ATRNL1: variants seen among roughly 807,000 people sequenced by gnomAD.
ATRNL1 encodes the protein attractin like 1.
ATRNL1 carries 95 observed loss-of-function variants against 182.7 expected under a neutral mutation model. The ratio of observed to expected loss-of-function variants is 0.52; its 90% CI spans 0.44 to 0.62. The LOEUF (loss-of-function observed/expected upper bound fraction) is 0.62. ATRNL1 is among the 20% of genes least tolerant of loss of function. The probability of loss-of-function intolerance (pLI) is 0.00; values close to 1 mark genes in which losing one functional copy is unlikely to be tolerated. For missense variants in ATRNL1, 1,471 were observed against 1,679.5 expected (o/e 0.88, Z 2.17); for synonymous variants, 576 against 568.3 (o/e 1.01, Z -0.19).
At chr10:115,817,108 T>C (rs1555088832) in intron 27 of ATRNL1, among the ~76,000 whole-genome samples, 1 of 152,058 alleles carries the variant, frequency 6.6e-6, no homozygotes, top group African/African-American at 2.4e-5. Context: ...GGCCTCCATC[T>C]GCATGTTTAC....
rs1264880341 is a variant in ATRNL1, at chr10:115,587,218, C to A, written c.3795+37682C>A. ...ACTGCTGTCTTTTTGTTTGTCTGTGCCCTGCCCCCAGAGGTGGAGCCTACA... is the reference window on the plus strand; with the variant it reads ...ACTGCTGTCTTTTTGTTTGTCTGTGACCTGCCCCCAGAGGTGGAGCCTACA... On this transcript the variant is annotated intron_variant, in intron 26 of 28. Coordinates refer to ENST00000355044, the MANE Select transcript of ATRNL1 (RefSeq NM_207303.4). 2.0e-5 allele frequency among the ~76,000 whole-genome samples: 3 copies of A among 152,006 alleles called. No individual in the cohort carries two copies. In the East Asian group the frequency reaches 5.9e-4, roughly 30 times the overall value.
intron 3 of ATRNL1, among the ~76,000 whole-genome samples, chr10:115,126,773 A>G (rs1844993398): frequency 6.6e-6 from 1 of 152,180 alleles, no homozygotes; most frequent in African/African-American, 2.4e-5. Flanking sequence ...GAGTTATATA[A>G]TTTGTTTGTT....
chr10:115,886,597 T>C (rs1364242108), intron 28 of ATRNL1, among the ~76,000 whole-genome samples: 1 of 152,254 alleles, frequency 6.6e-6, no homozygotes, highest in Non-Finnish European at 1.5e-5. Context: ...TTTGTAAGTA[T>C]TGTATTTAAT....
chr10:115,525,275 A>G (rs1199137007), intron 25 of ATRNL1, among the ~76,000 whole-genome samples: 2 of 152,096 alleles, frequency 1.3e-5, no homozygotes, highest in African/African-American at 4.8e-5. Context: ...TAATCCCTAC[A>G]ACTCTTTGTG....
chr10:115,639,358 A>T (rs1371122430), intron 26 of ATRNL1, among the ~76,000 whole-genome samples: 5 of 152,234 alleles, frequency 3.3e-5, no homozygotes, highest in Admixed American at 2.6e-4. Flanking sequence ...AAAATCATTT[A>T]TCTGCTACAG....
chr10:115,200,239 A>T (rs1165284483), intron 8 of ATRNL1, among the ~76,000 whole-genome samples: 6 of 148,326 alleles, frequency 4.0e-5, no homozygotes, highest in Non-Finnish European at 7.5e-5. Flanking sequence ...TTTTTTTTTT[A>T]ATTATACTTT....
chr10:115,590,386 G>A lies in ATRNL1; in HGVS notation c.3795+40850G>A, dbSNP rs560285926. Among the ~76,000 whole-genome samples, 13 of 152,058 alleles carry A rather than the reference G, an allele frequency of 8.5e-5. No individual in the cohort carries two copies. The South Asian group carries it at 2.3e-3, about 27-fold the overall frequency. On this transcript the variant is annotated intron_variant, in intron 26 of 28. Coordinates refer to ENST00000355044, the MANE Select transcript of ATRNL1 (RefSeq NM_207303.4). ...GCTTTCTTTCTGTGTATTAACCTTT[G>A]GTTGTCTAATTATTGTTTCCTTTGG...
intron 19 of ATRNL1, among the ~76,000 whole-genome samples, chr10:115,381,373 TCTCCTGCCTCAGC>T (rs1258136624): frequency 1.3e-5 from 2 of 150,582 alleles, no homozygotes; most frequent in Non-Finnish European, 3.0e-5. Flanking sequence ...TTCAAGCAAT[TCTCCTGCCTCAGC>T]CTCCTGGGTA....
chr10:115,099,270 C>G (rs781911405), intron 1 of ATRNL1, among the ~76,000 whole-genome samples: 4 of 152,198 alleles, frequency 2.6e-5, no homozygotes, highest in Non-Finnish European at 5.9e-5. Context: ...GTAGTTTATT[C>G]TACTGCCGAA....
chr10:115,929,969 G>A (rs1555121209), intron 28 of ATRNL1, among the ~76,000 whole-genome samples: 1 of 152,068 alleles, frequency 6.6e-6, no homozygotes, highest in Non-Finnish European at 1.5e-5. Context: ...ATTTGATGGT[G>A]CAGTTCCTAA....
chr10:115,445,535 G>GTGTGTT (rs1565051014), intron 21 of ATRNL1, among the ~76,000 whole-genome samples: 5 of 148,412 alleles, frequency 3.4e-5, no homozygotes, highest in Admixed American at 1.4e-4. Flanking sequence ...GTGTGTGTGT[G>GTGTGTT]TGTGTGTGTG....
At chr10:115,419,506 A>C (rs1400773767) in intron 20 of ATRNL1, among the ~76,000 whole-genome samples, 2 of 152,224 alleles carry the variant, frequency 1.3e-5, no homozygotes, top group African/African-American at 4.8e-5. Flanking sequence ...AAATATGACC[A>C]AACTATGCTG....
intron 26 of ATRNL1, among the ~76,000 whole-genome samples, chr10:115,583,608 G>A (rs1430513244): frequency 2.3e-5 from 3 of 132,148 alleles, no homozygotes; most frequent in African/African-American, 7.6e-5. Context: ...TTTGTATCCT[G>A]AAACTTCGCT....
chr10:115,858,184 T>C (rs555863405), intron 28 of ATRNL1, among the ~76,000 whole-genome samples: 1 of 152,308 alleles, frequency 6.6e-6, no homozygotes, highest in South Asian at 2.1e-4. Context: ...AGCAATCCCA[T>C]TGCTGAGTGT....
intron 28 of ATRNL1, among the ~76,000 whole-genome samples, chr10:115,915,363 A>G (rs1555116949): frequency 6.6e-6 from 1 of 151,754 alleles, no homozygotes; most frequent in Admixed American, 6.6e-5. Flanking sequence ...GCGCCACTGC[A>G]CTCCAGCCTA....
chr10:115,576,828 T>C (rs1474363744), intron 26 of ATRNL1, among the ~76,000 whole-genome samples: 5 of 152,082 alleles, frequency 3.3e-5, no homozygotes, highest in African/African-American at 1.2e-4. Context: ...ATCAGAGAGC[T>C]TTTCCTTATA....
At chr10:115,801,634 T>C (rs1164191133) in intron 27 of ATRNL1, among the ~76,000 whole-genome samples, 1 of 152,156 alleles carries the variant, frequency 6.6e-6, no homozygotes, top group Non-Finnish European at 1.5e-5. Context: ...TGATCTACAC[T>C]CACACAGCTT....
At chr10:115,917,082 C>A (rs1467518550) in intron 28 of ATRNL1, among the ~76,000 whole-genome samples, 1 of 152,212 alleles carries the variant, frequency 6.6e-6, no homozygotes, top group Non-Finnish European at 1.5e-5. Context: ...CAATGCTGAA[C>A]CTTGTCAGCG....
chr10:115,607,107 A>T (rs111499759), intron 26 of ATRNL1, among the ~76,000 whole-genome samples: 1,531 of 152,084 alleles, frequency 0.01, 26 homozygotes, highest in African/African-American at 0.035. Context: ...ATTAATCAAT[A>T]TATTTTTCAT....
Sources: allele counts gnomAD v4.1 joint callset (sites outside exome capture counted in the v4.1 genomes callset), GRCh38; gene constraint gnomAD v4.1.1; transcripts MANE v1.5; gene names NCBI Gene and HGNC (gene_info 2026-07-23, HGNC 2026-07-21).